LRRC74A: variants seen among roughly 807,000 people sequenced by gnomAD.
LRRC74A encodes the protein leucine rich repeat containing 74A.
A neutral mutation model predicts 57.9 loss-of-function variants in LRRC74A; 44 were observed. The ratio of observed to expected loss-of-function variants is 0.76; its 90% confidence interval spans 0.60 to 0.98. LRRC74A has a LOEUF of 0.98. Among genes scored for constraint, LRRC74A ranks in the 50% least tolerant of loss-of-function variants. The pLI, the probability that LRRC74A is intolerant of heterozygous loss-of-function variation, is 0.00. For missense variants in LRRC74A, 572 were observed against 574.0 expected, an observed-to-expected ratio of 1.00 and a Z score of 0.04; for synonymous variants, 211 against 219.4, an observed-to-expected ratio of 0.96 and a Z score of 0.34.
At chr14:76,858,370 A>C (rs1237204320) in intron 10 of LRRC74A, among the ~76,000 whole-genome samples, 1 of 152,148 alleles carries the variant, frequency 6.6e-6, no homozygotes, top group Non-Finnish European at 1.5e-5. Context: ...TCTGCTTCAC[A>C]TGGCATTCTC....
At chr14:76,868,029 C>A (rs934977966) in intron 13 of LRRC74A, among the ~76,000 whole-genome samples, 6 of 152,198 alleles carry the variant, frequency 3.9e-5, no homozygotes, top group African/African-American at 1.4e-4. Context: ...CAGTAAGCAA[C>A]CCATAATAAG....
chr14:76,855,645 C>T (rs1053033325), intron 9 of LRRC74A, among the ~76,000 whole-genome samples: 2 of 152,084 alleles, frequency 1.3e-5, no homozygotes, highest in African/African-American at 4.8e-5. Flanking sequence ...AAGGAATTCC[C>T]ATTAGGAAGT....
At chr14:76,864,824 A>T (rs915415414) in intron 11 of LRRC74A, among the ~76,000 whole-genome samples, 1 of 152,244 alleles carries the variant, frequency 6.6e-6, no homozygotes, top group African/African-American at 2.4e-5. Context: ...ACTGAACTCT[A>T]GCCTAGGCGA....
At chr14:76,854,320 T>A (rs944715056) in intron 9 of LRRC74A, among the ~76,000 whole-genome samples, 1 of 152,214 alleles carries the variant, frequency 6.6e-6, no homozygotes, top group Non-Finnish European at 1.5e-5. Flanking sequence ...ATGAAGACTG[T>A]GTTTGGGCCA....
At chr14:76,858,311 A>G (rs921330799) in intron 10 of LRRC74A, among the ~76,000 whole-genome samples, 8 of 152,102 alleles carry the variant, frequency 5.3e-5, no homozygotes, top group Non-Finnish European at 1.0e-4. Context: ...GGTTCCTGTC[A>G]TGCTTTGGTG....
intron 11 of LRRC74A, among the ~76,000 whole-genome samples, chr14:76,864,718 A>G (rs550919720): frequency 7.2e-5 from 11 of 152,172 alleles, no homozygotes; most frequent in African/African-American, 2.4e-4. Context: ...GCTGTGCATG[A>G]TGGCGCATGC....
intron 3 of LRRC74A, among the ~76,000 whole-genome samples, chr14:76,832,646 G>GAT (rs1896051625): frequency 6.6e-6 from 1 of 152,144 alleles, no homozygotes; most frequent in Non-Finnish European, 1.5e-5. Flanking sequence ...AGGACAAGGG[G>GAT]CTGAAAAATT....
At chr14:76,841,837 C>T (rs868754033) in intron 5 of LRRC74A, among the ~76,000 whole-genome samples, 7 of 152,012 alleles carry the variant, frequency 4.6e-5, no homozygotes, top group East Asian at 1.9e-4. Flanking sequence ...CTCAGCCTAC[C>T]GAGTAGCTGA....
Position 76,860,785 on chromosome 14 carries a change from C to T in LRRC74A, c.1146C>T (p.Gly382=), listed in dbSNP as rs937605398. 1 of 1,610,762 alleles carries T rather than the reference C, an allele frequency of 6.2e-7. No homozygotes were observed. The highest frequency in any genetic ancestry group is 1.3e-5 in the African/African-American group (1 of 74,926). Reference sequence around the variant, plus strand: ...ACGTGGTATTCAAGGCAGTACAAGGCCTCTCTCCCAAGAAAACCATCTTCT... The same window carrying T: ...ACGTGGTATTCAAGGCAGTACAAGGTCTCTCTCCCAAGAAAACCATCTTCT... ...QLDVVFKAVQ[G]LSPKKTIFLL... is the part of the protein sequence containing the mutation. Residue 382 remains glycine, a synonymous_variant, in exon 11 of 14, where the codon GGC becomes GGT. Transcript: ENST00000689127.
intron 12 of LRRC74A, 80 bp from the exon 13 acceptor site, chr14:76,867,276 G>C (rs1322513371): frequency 2.4e-6 from 1 of 423,088 alleles, no homozygotes; most frequent in South Asian, 1.8e-5. Flanking sequence ...GTGTTGGGGG[G>C]GTAGTGTGTT....
At chr14:76,853,529 C>T in intron 9 of LRRC74A, 119 bp downstream of exon 9, 1 of 942,646 alleles carries the variant, frequency 1.1e-6, no homozygotes, top group South Asian at 1.6e-5. Context: ...AATATCTGTA[C>T]TTCATATATG....
At chr14:76,831,105 A>G in intron 2 of LRRC74A, 98 bp from the exon 3 acceptor site, 1 of 1,240,562 alleles carries the variant, frequency 8.1e-7, no homozygotes, top group Non-Finnish European at 1.1e-6. Flanking sequence ...ATCCTCTGGC[A>G]GAGGACAGTC....
At chr14:76,836,895 C>A (rs1016427731) in intron 4 of LRRC74A, among the ~76,000 whole-genome samples, 1 of 151,418 alleles carries the variant, frequency 6.6e-6, no homozygotes, top group East Asian at 1.9e-4. Flanking sequence ...AATCCCGACA[C>A]TTTGGGAAGG....
At chr14:76,828,970 G>C in intron 2 of LRRC74A, 1 of 1,279,136 alleles carries the variant, frequency 7.8e-7, no homozygotes, top group Non-Finnish European at 1.0e-6. Flanking sequence ...ACTCACCTTA[G>C]AGCTCTGGTT....
chr14:76,828,199 G>A, intron 1 of LRRC74A, 92 bp from the exon 2 acceptor site: 8 of 1,473,798 alleles, frequency 5.4e-6, no homozygotes, highest in Non-Finnish European at 7.3e-6. Flanking sequence ...TCAGAGGAAG[G>A]GAGCAGAGAT....
At chr14:76,868,998 C>T (rs1899195841) in intron 13 of LRRC74A, among the ~76,000 whole-genome samples, 1 of 152,244 alleles carries the variant, frequency 6.6e-6, no homozygotes, top group Non-Finnish European at 1.5e-5. Context: ...CAAGAGGGCG[C>T]CAAAGGTGGC....
At chr14:76,864,156 G>C (rs941602543) in intron 11 of LRRC74A, among the ~76,000 whole-genome samples, 1 of 152,172 alleles carries the variant, frequency 6.6e-6, no homozygotes, top group Non-Finnish European at 1.5e-5. Flanking sequence ...CAGAGCACGA[G>C]GTGCACTTTG....
rs902849085 is a variant in LRRC74A, at chr14:76,865,829, C to T, written c.1201-139C>T. The T allele has an allele frequency of 4.6e-6, 3 of 659,110 alleles. No individual in the cohort carries two copies. In the African/African-American group the frequency reaches 5.4e-5, roughly 12 times the overall value. The allele number at this position is 659,110 out of a possible 1,614,324, so 40.8% of individuals were successfully genotyped here. On this transcript the variant is annotated intron_variant, in intron 11 of 13. Coordinates refer to ENST00000689127, the MANE Select transcript of LRRC74A (RefSeq NM_001385106.1). Reference sequence around the variant, plus strand: ...ACACCCAACACCCGGGAGACGCAGGCTCCTCACCTTGGCCTTCTGCCCTTT... The same window carrying T: ...ACACCCAACACCCGGGAGACGCAGGTTCCTCACCTTGGCCTTCTGCCCTTT...
intron 9 of LRRC74A, among the ~76,000 whole-genome samples, chr14:76,853,876 C>T (rs143834898): frequency 0.014 from 2,147 of 152,260 alleles, 23 homozygotes; most frequent in African/African-American, 0.028. Flanking sequence ...CCTCGGCCTC[C>T]GAAAGTGCTG....
Sources: gnomAD v4.1 joint callset for allele counts (sites outside exome capture counted in the v4.1 genomes callset) on GRCh38, gnomAD v4.1.1 for gene constraint, MANE v1.5 for transcripts, NCBI Gene and HGNC (gene_info 2026-07-23, HGNC 2026-07-21) for gene names.